Variants in SNX14 observed in about 807,000 individuals in gnomAD.
The protein encoded by SNX14 is sorting nexin 14, also known as sorting nexin-14.
A neutral mutation model predicts 133.8 loss-of-function variants in SNX14; 93 were observed. That is an observed-to-expected ratio of 0.70 (90% CI 0.59 to 0.83). The LOEUF (loss-of-function observed/expected upper bound fraction) is 0.83, where lower values mean the gene tolerates loss of function less well. Ranked by LOEUF, SNX14 falls within the 40% of genes least tolerant of loss-of-function variation. The pLI, the probability that SNX14 is intolerant of heterozygous loss-of-function variation, is 0.00. For synonymous variants in SNX14, 368 were observed against 365.6 expected, an observed-to-expected ratio of 1.01 and a Z score of -0.07; for missense variants, 945 against 1,094.9, an observed-to-expected ratio of 0.86 and a Z score of 1.93.
At chr6:85,517,595 C>T (rs1582534047) in intron 23 of SNX14, 161 bp downstream of exon 23, 2 of 704,528 alleles carry the variant, frequency 2.8e-6, no homozygotes, top group East Asian at 6.5e-5. Flanking sequence ...CAAGTAATTA[C>T]ACACAATACC....
At chr6:85,591,664 A>G (rs1040698273) in intron 1 of SNX14, among the ~76,000 whole-genome samples, 12 of 152,252 alleles carry the variant, frequency 7.9e-5, no homozygotes, top group African/African-American at 2.6e-4. Flanking sequence ...TACCTTAGAA[A>G]CCTAAACTGA....
chr6:85,511,981 T>C (rs1007378872), intron 26 of SNX14, among the ~76,000 whole-genome samples: 2 of 152,190 alleles, frequency 1.3e-5, no homozygotes, highest in African/African-American at 4.8e-5. Flanking sequence ...GGGGTCTCAA[T>C]CTTTTAGTGA....
chr6:85,585,330 C>A (rs945114054), intron 1 of SNX14, among the ~76,000 whole-genome samples: 6 of 151,856 alleles, frequency 4.0e-5, no homozygotes, highest in African/African-American at 1.5e-4. Context: ...CACATGTATA[C>A]CTATGTAACA....
intron 7 of SNX14, among the ~76,000 whole-genome samples, chr6:85,556,007 A>C (rs77795873): frequency 4.6e-5 from 7 of 152,058 alleles, no homozygotes; most frequent in Non-Finnish European, 7.4e-5. Context: ...AAAAAAAAAA[A>C]CACCAAAAAT....
intron 1 of SNX14, among the ~76,000 whole-genome samples, chr6:85,582,224 GA>G (rs985550280): frequency 6.6e-6 from 1 of 151,994 alleles, no homozygotes; most frequent in African/African-American, 2.4e-5. Context: ...AGCGCTGAAG[GA>G]AAAAAACTTT....
chr6:85,593,770 G>A lies in SNX14; in HGVS notation c.-52C>T. On this transcript the variant is annotated 5_prime_UTR_variant, in exon 1 of 29. Coordinates refer to ENST00000314673, the MANE Select transcript of SNX14 (RefSeq NM_153816.6). ...GCTACTGGCTGAGGCAGAGGTCAAGGCGACCCCCCATCCACACCTCGCGTC... is the reference window on the plus strand; with the variant it reads ...GCTACTGGCTGAGGCAGAGGTCAAGACGACCCCCCATCCACACCTCGCGTC... 6.2e-7 allele frequency: 1 copy of A among 1,606,948 alleles called. No homozygotes were observed. The highest frequency in any genetic ancestry group is 8.5e-7 in the Non-Finnish European group (1 of 1,178,570).
chr6:85,516,794 C>T (rs1390935126), intron 23 of SNX14, among the ~76,000 whole-genome samples: 3 of 152,050 alleles, frequency 2.0e-5, no homozygotes, highest in East Asian at 1.9e-4. Context: ...CCCACCACCA[C>T]GCTTGACTAA....
Position 85,528,280 on chromosome 6 carries a change from C to T in SNX14, c.1977G>A (p.Glu659=). Residue 659 remains glutamate, a synonymous_variant, in exon 20 of 29, where the codon GAG becomes GAA. Coordinates refer to ENST00000314673, the MANE Select transcript of SNX14 (RefSeq NM_153816.6). ...GTTATACCTGTAGATATTCTTGGAA[C>T]TCTTCCCTCTTTGACTTTAAGAATT... ...NYEFLKSKRE[E]FQEYLQKLLQ... 1.2e-6 allele frequency: 2 copies of T among 1,611,992 alleles called. No individual in the cohort carries two copies. Among genetic ancestry groups the T allele is most frequent in the Non-Finnish European group, 1.7e-6 (2 of 1,178,432 alleles).
At chr6:85,565,495 T>C (rs1238963239) in intron 5 of SNX14, 76 bp from the exon 6 acceptor site, 3 of 1,128,486 alleles carry the variant, frequency 2.7e-6, no homozygotes, top group South Asian at 3.2e-5. Flanking sequence ...AAGGGAAAAT[T>C]TTCCTTTTTT....
chr6:85,536,797 C>T lies in SNX14; in HGVS notation c.1603G>A (p.Asp535Asn). The T allele has an allele frequency of 2.5e-6, 4 of 1,606,092 alleles. No individual in the cohort carries two copies. The highest frequency in any genetic ancestry group is 3.4e-6 in the Non-Finnish European group (4 of 1,177,032). ...AATTGATACATTTTACTTACAAAAT[C>T]ATCTTCACCTTCAGCTACACCATAA... The part of the protein sequence containing the change: ...PNYGVAEGED[D>N]FIEEGIVVME... Residue 535 changes from aspartate to asparagine, a missense_variant, in exon 17 of 29, where the codon GAT (aspartate) becomes AAT (asparagine). Transcript: ENST00000314673.
At chr6:85,525,064 CA>C (rs1778127537) in intron 21 of SNX14, among the ~76,000 whole-genome samples, 1 of 151,958 alleles carries the variant, frequency 6.6e-6, no homozygotes, top group South Asian at 2.1e-4. Flanking sequence ...ATAATTCATC[CA>C]AAAGTGATAG....
At chr6:85,566,086 T>C (rs1461312808) in intron 5 of SNX14, among the ~76,000 whole-genome samples, 1 of 152,204 alleles carries the variant, frequency 6.6e-6, no homozygotes, top group Non-Finnish European at 1.5e-5. Flanking sequence ...TTCCCACTGT[T>C]AACCCTACAG....
intron 1 of SNX14, among the ~76,000 whole-genome samples, chr6:85,575,518 A>G (rs533741801): frequency 1.6e-4 from 24 of 152,352 alleles, no homozygotes; most frequent in Admixed American, 3.9e-4. Context: ...CTGTCTCCCA[A>G]TAATAAATCT....
chr6:85,548,569 A>G (rs1241661910), intron 8 of SNX14, among the ~76,000 whole-genome samples, 193 bp from the exon 9 acceptor site: 2 of 152,192 alleles, frequency 1.3e-5, no homozygotes, highest in African/African-American at 4.8e-5. Flanking sequence ...TGCAGAACAC[A>G]CGTTGAATAG....
chr6:85,516,708 G>C (rs967754938), intron 23 of SNX14, among the ~76,000 whole-genome samples: 1 of 143,320 alleles, frequency 7.0e-6, no homozygotes, highest in African/African-American at 2.7e-5. Context: ...CGCGATCTCA[G>C]CTCACTGCAA....
intron 6 of SNX14, among the ~76,000 whole-genome samples, chr6:85,564,977 A>G (rs1010051596): frequency 6.6e-6 from 1 of 151,250 alleles, no homozygotes; most frequent in Non-Finnish European, 1.5e-5. Flanking sequence ...CGACAGAGCA[A>G]AACTCTGTCT....
Position 85,538,777 on chromosome 6 carries a change from G to T in SNX14, c.1475+61C>A. ...TTTTCCTTTTTATTTGTATTAGGTT[G>T]TTCACAATGTACTTTCTAAAAACAT... is the stretch of plus-strand genomic sequence containing the variant. On this transcript the variant is annotated intron_variant, in intron 16 of 28. Transcript: ENST00000314673. 2.8e-6 allele frequency: 4 copies of T among 1,445,174 alleles called. No homozygotes were observed. In the Admixed American group the frequency reaches 6.1e-5, roughly 22 times the overall value. 89.5% of individuals were successfully genotyped at this position (1,445,174 alleles called of 1,614,324 possible).
At chr6:85,537,680 G>A (rs1782371504) in intron 16 of SNX14, among the ~76,000 whole-genome samples, 1 of 152,220 alleles carries the variant, frequency 6.6e-6, no homozygotes, top group Non-Finnish European at 1.5e-5. Context: ...CAGGCACAGT[G>A]GCTCACACTT....
At chr6:85,537,032 C>T in intron 16 of SNX14, 108 bp from the exon 17 acceptor site, 2 of 1,186,962 alleles carry the variant, frequency 1.7e-6, no homozygotes, top group Non-Finnish European at 2.3e-6. Flanking sequence ...AAATGATAAA[C>T]TAAAGGTATA....
Sources: allele counts gnomAD v4.1 joint callset (sites outside exome capture counted in the v4.1 genomes callset), GRCh38; gene constraint gnomAD v4.1.1; transcripts MANE v1.5; gene names NCBI Gene and HGNC (gene_info 2026-07-23, HGNC 2026-07-21).